NRXN3: variants seen among roughly 807,000 people sequenced by gnomAD.
The protein encoded by NRXN3 is neurexin 3, also known as neurexin III.
Under a neutral mutation model 137.6 loss-of-function variants are expected in NRXN3, and 32 were observed. The observed-to-expected ratio is 0.23, with a 90% CI of 0.18 to 0.31. NRXN3 has a LOEUF of 0.31. NRXN3 is among the 10% of genes least tolerant of loss of function. NRXN3 has a pLI of 1.00. For missense variants in NRXN3, 1,574 were observed against 2,062.5 expected (o/e 0.76, Z 4.59); for synonymous variants, 798 against 784.5 (o/e 1.02, Z -0.29).
intron 18 of NRXN3, among the ~76,000 whole-genome samples, chr14:79,694,415 A>C (rs1030443509): frequency 1.3e-5 from 2 of 152,016 alleles, no homozygotes; most frequent in African/African-American, 4.8e-5. Flanking sequence ...TATCTAAAAC[A>C]AAAAGTAACC....
chr14:78,881,496 T>C (rs907532982), intron 10 of NRXN3, among the ~76,000 whole-genome samples: 1 of 151,382 alleles, frequency 6.6e-6, no homozygotes, highest in Admixed American at 6.6e-5. Context: ...GGAACTGGAG[T>C]AAAGGTGACT....
At chr14:78,281,860 C>T (rs1042996759) in intron 3 of NRXN3, among the ~76,000 whole-genome samples, 2 of 152,200 alleles carry the variant, frequency 1.3e-5, no homozygotes, top group African/African-American at 4.8e-5. Flanking sequence ...TGCTCTTGTT[C>T]TTCCAGACCC....
rs750582858 is a variant in NRXN3 at position 78,966,277 on chromosome 14, G to A, written c.2648G>A (p.Ser883Asn). 48 of 1,614,102 alleles carry A rather than the reference G, an allele frequency of 3.0e-5. No homozygotes were observed. The highest frequency in any genetic ancestry group is 3.6e-5 in the Non-Finnish European group (43 of 1,180,044). ...TTTAAGACCAAGAGCAGCTACCTGA[G>A]CCTTGCCACTCTTCAGGCTTACACC... The part of the protein sequence containing the change: ...VTFKTKSSYL[S>N]LATLQAYTSM... Residue 883 changes from serine (S) to asparagine (N), a missense_variant, in exon 12 of 21, where the codon AGC (serine) becomes AAC (asparagine). Coordinates refer to ENST00000335750, the MANE Select transcript of NRXN3 (RefSeq NM_001330195.2).
chr14:78,277,484 C>A lies in NRXN3; in HGVS notation c.710-1161C>A, dbSNP rs1465644414. On this transcript the variant is annotated intron_variant, in intron 2 of 20. Coordinates refer to ENST00000335750, the MANE Select transcript of NRXN3 (RefSeq NM_001330195.2). ...TCTAGGATATTTTCTAGTCTGTGCC[C>A]CTGAAGTAGCTGTGTGACCTTATAT... 5.3e-5 allele frequency among the ~76,000 whole-genome samples: 8 copies of A among 152,158 alleles called. No individual in the cohort carries two copies. In the South Asian group the frequency reaches 8.3e-4, roughly 16 times the overall value.
intron 10 of NRXN3, among the ~76,000 whole-genome samples, chr14:78,815,540 A>C (rs1289774680): frequency 7.3e-6 from 1 of 136,618 alleles, no homozygotes; most frequent in African/African-American, 2.8e-5. Flanking sequence ...GTTTCTAAGC[A>C]GACTCCATTT....
At chr14:78,933,656 G>T (rs2099328000) in intron 10 of NRXN3, among the ~76,000 whole-genome samples, 1 of 152,062 alleles carries the variant, frequency 6.6e-6, no homozygotes, top group Admixed American at 6.6e-5. Flanking sequence ...AATTTAAATA[G>T]CTAGATCTAA....
intron 19 of NRXN3, among the ~76,000 whole-genome samples, chr14:79,737,053 C>A (rs939554529): frequency 1.3e-5 from 2 of 152,210 alleles, no homozygotes; most frequent in South Asian, 2.1e-4. Flanking sequence ...TTCACAACAT[C>A]CAAGCTGCAA....
At chr14:78,195,303 G>A (rs182821724) in intron 1 of NRXN3, among the ~76,000 whole-genome samples, 2 of 152,216 alleles carry the variant, frequency 1.3e-5, no homozygotes, top group Non-Finnish European at 1.5e-5. Context: ...TTAATTGCTC[G>A]ATTGTTGGTT....
intron 10 of NRXN3, among the ~76,000 whole-genome samples, chr14:78,823,062 A>G (rs1367408004): frequency 6.6e-6 from 1 of 152,202 alleles, no homozygotes; most frequent in East Asian, 1.9e-4. Context: ...TGTCTATTTC[A>G]GTGACTGAAA....
chr14:78,845,902 T>TGG (rs1213678095), intron 10 of NRXN3, among the ~76,000 whole-genome samples: 36 of 136,316 alleles, frequency 2.6e-4, no homozygotes, highest in African/African-American at 8.0e-4. Context: ...ATGAGTATGT[T>TGG]GGGGTGTGTG....
At chr14:79,368,716 G>GA (rs1365604681) in intron 15 of NRXN3, among the ~76,000 whole-genome samples, 1 of 152,174 alleles carries the variant, frequency 6.6e-6, no homozygotes, top group Admixed American at 6.6e-5. Flanking sequence ...AAAAGCAGCA[G>GA]AAAATCTTAT....
intron 4 of NRXN3, among the ~76,000 whole-genome samples, chr14:78,504,981 G>T (rs935320661): frequency 2.0e-5 from 3 of 152,008 alleles, no homozygotes; most frequent in Non-Finnish European, 4.4e-5. Context: ...GCAAATCTCT[G>T]AGCCTTTGCC....
intron 4 of NRXN3, among the ~76,000 whole-genome samples, chr14:78,331,219 C>G (rs1022095611): frequency 6.6e-6 from 1 of 152,136 alleles, no homozygotes; most frequent in Non-Finnish European, 1.5e-5. Context: ...AATCTTAAAC[C>G]TTCACTAAAG....
chr14:78,287,712 CA>C, intron 3 of NRXN3, among the ~76,000 whole-genome samples: 1 of 152,312 alleles, frequency 6.6e-6, no homozygotes, highest in African/African-American at 2.4e-5. Context: ...CCCTTGGAGA[CA>C]CACAGAATAG....
intron 15 of NRXN3, among the ~76,000 whole-genome samples, chr14:79,207,575 A>G (rs2066968909): frequency 6.6e-6 from 1 of 152,106 alleles, no homozygotes; most frequent in South Asian, 2.1e-4. Context: ...TGAATAAGGA[A>G]ACCACTCTGA....
intron 15 of NRXN3, among the ~76,000 whole-genome samples, chr14:79,244,784 G>A (rs563494079): frequency 4.6e-5 from 7 of 152,104 alleles, no homozygotes; most frequent in African/African-American, 9.6e-5. Context: ...AGATATAAGC[G>A]TATATTGGAG....
intron 8 of NRXN3, among the ~76,000 whole-genome samples, chr14:78,765,339 C>A (rs1248149299): frequency 6.6e-6 from 1 of 152,062 alleles, no homozygotes; most frequent in Non-Finnish European, 1.5e-5. Context: ...TTTTAGTAGA[C>A]ATGGGGTTTC....
chr14:79,747,199 C>G (rs1362023115), intron 19 of NRXN3, among the ~76,000 whole-genome samples: 1 of 151,930 alleles, frequency 6.6e-6, no homozygotes, highest in African/African-American at 2.4e-5. Context: ...TTCTGCAAAA[C>G]TACCTCAAAG....
intron 4 of NRXN3, among the ~76,000 whole-genome samples, chr14:78,377,100 T>G (rs905852336): frequency 9.8e-5 from 15 of 152,316 alleles, no homozygotes; most frequent in African/African-American, 3.4e-4. Flanking sequence ...TGTAAATGGC[T>G]TAATAATTCC....
Sources: allele counts gnomAD v4.1 joint callset (sites outside exome capture counted in the v4.1 genomes callset), GRCh38; gene constraint gnomAD v4.1.1; transcripts MANE v1.5; gene names NCBI Gene and HGNC (gene_info 2026-07-23, HGNC 2026-07-21).